LARP1B: variants seen among roughly 807,000 people sequenced by gnomAD.
LARP1B encodes the protein La ribonucleoprotein 1B, also known as la-related protein 1B.
LARP1B carries 76 observed loss-of-function variants against 114.2 expected under a neutral mutation model. That is an observed-to-expected ratio of 0.67 (90% CI 0.55 to 0.81). LARP1B has a LOEUF of 0.81. Ranked by LOEUF, LARP1B falls within the 30% of genes least tolerant of loss-of-function variation. LARP1B has a pLI of 0.00. For synonymous variants in LARP1B, 345 were observed against 348.0 expected (o/e 0.99, Z 0.10); for missense variants, 1,014 against 1,075.8 (o/e 0.94, Z 0.80).
chr4:128,178,527 C>T lies in LARP1B; in HGVS notation c.1781C>T (p.Pro594Leu). Residue 594 changes from proline to leucine, a missense_variant, in exon 14 of 20, where the codon CCT becomes CTT. By Grantham distance (98) the Pro-to-Leu change is moderately conservative (BLOSUM62 -3). Coordinates refer to ENST00000326639, the MANE Select transcript of LARP1B (RefSeq NM_018078.4). Reference sequence around the variant, plus strand: ...TTGCCTACAGCAGTTCCAGAATCTCCTAGAATTCATCCTACAAGAACACCC... The same window carrying T: ...TTGCCTACAGCAGTTCCAGAATCTCTTAGAATTCATCCTACAAGAACACCC... ...HSLPTAVPES[P>L]RIHPTRTPKT... 6.2e-7 allele frequency: 1 copy of T among 1,613,990 alleles called. No individual in the cohort carries two copies. Among genetic ancestry groups the T allele is most frequent in the South Asian group, 1.1e-5 (1 of 91,080 alleles).
At chr4:128,062,360 T>G in intron 1 of LARP1B, 1 of 822,144 alleles carries the variant, frequency 1.2e-6, no homozygotes, top group Non-Finnish European at 1.5e-6. Flanking sequence ...AGGTAATTTG[T>G]TCCAAGGTGT....
At chr4:128,110,135 C>T (rs1048799578) in intron 9 of LARP1B, among the ~76,000 whole-genome samples, 1 of 152,092 alleles carries the variant, frequency 6.6e-6, no homozygotes, top group African/African-American at 2.4e-5. Context: ...AACTCCTGAC[C>T]TTGTGATCAG....
chr4:128,084,074 G>C (rs552486479), intron 5 of LARP1B, among the ~76,000 whole-genome samples: 2 of 152,158 alleles, frequency 1.3e-5, no homozygotes, highest in South Asian at 2.1e-4. Flanking sequence ...GATGGTTGCC[G>C]GGAAGAGGCG....
At chr4:128,185,914 C>G (rs1212193215) in intron 15 of LARP1B, among the ~76,000 whole-genome samples, 2 of 152,018 alleles carry the variant, frequency 1.3e-5, no homozygotes, top group African/African-American at 4.8e-5. Context: ...GTTTTCTTAG[C>G]CCCACTTATC....
At chr4:128,102,044 T>C (rs1169979218) in intron 8 of LARP1B, among the ~76,000 whole-genome samples, 1 of 152,224 alleles carries the variant, frequency 6.6e-6, no homozygotes, top group East Asian at 1.9e-4. Context: ...GCTACTGTTA[T>C]GGTTAGCACT....
chr4:128,210,440 G>C lies in LARP1B; in HGVS notation c.*387G>C, dbSNP rs566150208. On this transcript the variant is annotated 3_prime_UTR_variant, in exon 20 of 20. Coordinates refer to ENST00000326639, the MANE Select transcript of LARP1B (RefSeq NM_018078.4). Reference sequence around the variant, plus strand: ...ATTTCAGCTCATACTTCTTAAAGAAGATATAGTATGTTGTATTCTCTTCTT... The same window carrying C: ...ATTTCAGCTCATACTTCTTAAAGAACATATAGTATGTTGTATTCTCTTCTT... 9.8e-7 allele frequency: 1 copy of C among 1,023,670 alleles called. No homozygotes were observed. The highest frequency in any genetic ancestry group is 1.2e-6 in the Non-Finnish European group (1 of 851,152). 63.4% of individuals were successfully genotyped at this position (1,023,670 alleles called of 1,614,324 possible).
chr4:128,148,366 G>A (rs1731235277), intron 11 of LARP1B, among the ~76,000 whole-genome samples: 1 of 151,996 alleles, frequency 6.6e-6, no homozygotes, highest in Non-Finnish European at 1.5e-5. Context: ...GGGAGGTGGA[G>A]GTTGAAGTGA....
intron 3 of LARP1B, among the ~76,000 whole-genome samples, chr4:128,075,456 C>T (rs187960634): frequency 2.3e-4 from 35 of 152,128 alleles, no homozygotes; most frequent in African/African-American, 8.2e-4. Context: ...AGTTATTCTT[C>T]GATGCTGCCA....
chr4:128,199,493 T>C lies in LARP1B; in HGVS notation c.2058T>C (p.Cys686=), dbSNP rs768969186. The part of the protein sequence containing the change: ...EGAPLAGSYG[C]TPHSFPKFQH... The stretch of plus-strand genomic sequence containing the variant: ...CACCACTAGCAGGAAGTTATGGATG[T>C]ACTCCTCATTCATTCCCAAAGTTCC... Residue 686 remains cysteine (C), a synonymous_variant, in exon 16 of 20, where the codon TGT becomes TGC. Coordinates refer to ENST00000326639, the MANE Select transcript of LARP1B (RefSeq NM_018078.4). The C allele has an allele frequency of 6.2e-7, 1 of 1,604,260 alleles. No individual in the cohort carries two copies. Among genetic ancestry groups the C allele is most frequent in the South Asian group, 1.1e-5 (1 of 88,744 alleles).
chr4:128,087,902 CT>C (rs902400108), intron 5 of LARP1B, among the ~76,000 whole-genome samples: 5 of 151,766 alleles, frequency 3.3e-5, no homozygotes, highest in East Asian at 1.9e-4. Context: ...GAAAAATTGA[CT>C]TTTTTTCTAT....
intron 3 of LARP1B, among the ~76,000 whole-genome samples, chr4:128,075,530 ATTTC>A (rs1288674673): frequency 4.0e-5 from 6 of 149,712 alleles, no homozygotes; most frequent in Admixed American, 2.0e-4. Context: ...CTAACCTATT[ATTTC>A]TTTCTTTCTT....
intron 11 of LARP1B, among the ~76,000 whole-genome samples, chr4:128,134,311 T>C (rs1792561646): frequency 6.6e-6 from 1 of 152,226 alleles, no homozygotes; most frequent in Admixed American, 6.5e-5. Flanking sequence ...GGGTAAATGA[T>C]TTTTTTGACA....
At chr4:128,093,094 T>C in intron 7 of LARP1B, 1 of 959,148 alleles carries the variant, frequency 1.0e-6, no homozygotes, top group Non-Finnish European at 1.2e-6. Flanking sequence ...TGGTCATGCC[T>C]CTTTTTTTGT....
At chr4:128,130,757 T>C (rs1791302983) in intron 11 of LARP1B, among the ~76,000 whole-genome samples, 1 of 152,212 alleles carries the variant, frequency 6.6e-6, no homozygotes, top group African/African-American at 2.4e-5. Context: ...CCATAAATTG[T>C]CAAAACTTGG....
At chr4:128,070,688 C>T (rs1764918356) in intron 1 of LARP1B, among the ~76,000 whole-genome samples, 1 of 151,688 alleles carries the variant, frequency 6.6e-6, no homozygotes, top group African/African-American at 2.4e-5. Context: ...GGATGACCGG[C>T]TGTAGTGGCT....
At chr4:128,107,460 A>G (rs765382957) in intron 9 of LARP1B, 147 bp downstream of exon 9, 4 of 1,476,384 alleles carry the variant, frequency 2.7e-6, no homozygotes, top group Non-Finnish European at 3.6e-6. Flanking sequence ...TTGTATTCAT[A>G]TTGCCTCACT....
chr4:128,192,852 A>T (rs10434053), intron 15 of LARP1B, among the ~76,000 whole-genome samples: 88,139 of 151,078 alleles, frequency 0.58, 27,045 homozygotes, highest in Middle Eastern at 0.79. Context: ...TTTAAATTAG[A>T]GACAGAGTCT....
intron 15 of LARP1B, among the ~76,000 whole-genome samples, chr4:128,181,101 G>A (rs190337716): frequency 6.6e-6 from 1 of 151,346 alleles, no homozygotes; most frequent in Admixed American, 6.6e-5. Flanking sequence ...TGTTTAATTA[G>A]TATGTTTAGA....
chr4:128,163,421 T>C (rs1739378751), intron 12 of LARP1B, among the ~76,000 whole-genome samples: 1 of 152,162 alleles, frequency 6.6e-6, no homozygotes, highest in Admixed American at 6.5e-5. Context: ...TGCTCTATTG[T>C]CTCTTTTTGT....
Sources: gnomAD v4.1 joint callset for allele counts (sites outside exome capture counted in the v4.1 genomes callset) on GRCh38, gnomAD v4.1.1 for gene constraint, MANE v1.5 for transcripts, NCBI Gene and HGNC (gene_info 2026-07-23, HGNC 2026-07-21) for gene names.